Variants in NOBOX observed in about 807,000 individuals in gnomAD.
NOBOX encodes the protein NOBOX oogenesis homeobox, also known as homeobox protein NOBOX.
Under a neutral mutation model 60.2 loss-of-function variants are expected in NOBOX, and 46 were observed. The observed-to-expected ratio is 0.76, with a 90% CI of 0.60 to 0.98. NOBOX has a LOEUF of 0.98. NOBOX is among the 50% of genes least tolerant of loss of function. The pLI is 0.00. For synonymous variants in NOBOX, 360 were observed against 346.3 expected, an observed-to-expected ratio of 1.04 and a Z score of -0.44; for missense variants, 880 against 865.5, an observed-to-expected ratio of 1.02 and a Z score of -0.21.
intron 1 of NOBOX, among the ~76,000 whole-genome samples, chr7:144,406,024 C>T (rs4725649): frequency 0.44 from 66,137 of 151,988 alleles, 15,169 homozygotes; most frequent in East Asian, 0.82. Context: ...CAGTGAGAAG[C>T]GGGTGCAATT....
Position 144,404,551 on chromosome 7 carries a change from C to A in NOBOX, c.210+5G>T, listed in dbSNP as rs755267567. 5.6e-6 allele frequency: 9 copies of A among 1,611,986 alleles called. No individual in the cohort carries two copies. Among genetic ancestry groups the A allele is most frequent in the African/African-American group, 1.3e-5 (1 of 74,852 alleles). On this transcript the variant is annotated splice_donor_5th_base_variant and intron_variant, in intron 2 of 9. Transcript: ENST00000467773. ...GGCGTGAGCCACAGCGCTCGCCCCC[C>A]GTACTGATTTGAGGGTCTCCAGAGC...
chr7:144,399,611 T>C (rs1045105991), intron 6 of NOBOX, 129 bp from the exon 5 acceptor site: 3 of 1,124,832 alleles, frequency 2.7e-6, no homozygotes, highest in African/African-American at 1.6e-5. Context: ...CCCGATCCCA[T>C]GGCAGCCAAA....
At position 144,402,818 on chromosome 7, in the gene NOBOX, G is replaced by A. The variant is rs1275991343; in HGVS notation, c.211-868C>T. On this transcript the variant is annotated intron_variant, in intron 2 of 9. Transcript: ENST00000467773. ...GTCGCCCAGGCTGCAGTGACATGGT[G>A]CAATTCTGGCTCACTGCAACCTTGG... Among the ~76,000 whole-genome samples the A allele has an allele frequency of 2.3e-5, 3 of 130,470 alleles. No homozygotes were observed. In the Admixed American group the frequency reaches 2.8e-4, roughly 12 times the overall value. 85.6% of individuals were successfully genotyped at this position (130,470 alleles called of 152,430 possible).
At chr7:144,398,198 G>A (rs2053906911) in intron 9 of NOBOX, 84 bp downstream of exon 7, 1 of 1,255,270 alleles carries the variant, frequency 8.0e-7, no homozygotes, top group African/African-American at 1.5e-5. Context: ...ACCTGCCTCA[G>A]TCTACCCTCC....
chr7:144,409,483 A>G (rs577992530), intron 1 of NOBOX, among the ~76,000 whole-genome samples: 83 of 152,298 alleles, frequency 5.4e-4, no homozygotes, highest in Middle Eastern at 3.4e-3. Context: ...CATGATTGTA[A>G]TTACACTCCA....
intron 9 of NOBOX, among the ~76,000 whole-genome samples, 152 bp from the exon 8 acceptor site, chr7:144,397,693 G>A (rs1055165718): frequency 3.2e-4 from 48 of 152,192 alleles, no homozygotes; most frequent in Admixed American, 2.8e-3. Flanking sequence ...TAGCCTCAGG[G>A]TCTGTCCTTA....
At chr7:144,397,232 C>G, downstream of NOBOX, 5 of 1,521,068 alleles carry the variant, frequency 3.3e-6, no homozygotes, top group East Asian at 2.5e-5. Flanking sequence ...CACTCTTTGA[C>G]CCCCCAACTA....
In NOBOX at chr7:144,397,458, C is replaced by T; in HGVS notation, c.1858G>A (p.Gly620Arg). ...AGATCAGGAAAGTAGCCATCCCCTC[C>T]TGGGGGATGCCCCAGAGCTTGTGGG... The change falls in exon 10 of 10, where the codon GGA becomes AGA. Residue 620 changes from glycine to arginine, a missense_variant. Physicochemically the swap from Gly to Arg is moderately radical, Grantham distance 125 (BLOSUM62 -2). Transcript: ENST00000467773. The T allele has an allele frequency of 6.5e-7, 1 of 1,536,984 alleles. No individual in the cohort carries two copies. Among genetic ancestry groups the T allele is most frequent in the African/African-American group, 1.4e-5 (1 of 73,164 alleles).
Position 144,400,114 on chromosome 7 carries a change from G to T in NOBOX, c.1043C>A (p.Ala348Asp), listed in dbSNP as rs1370157582. ...AGGCCTCAATTCAGCTCCTACCCAG[G>T]CTACCGCTGAGCGCTCACTCTGCAA... The change falls in exon 5 of 10, where the codon GCC becomes GAC. Residue 348 changes from alanine to aspartate, a missense_variant. Transcript: ENST00000467773. 5 of 1,612,116 alleles carry T rather than the reference G, an allele frequency of 3.1e-6. No homozygotes were observed. In the East Asian group the frequency reaches 8.9e-5, roughly 29 times the overall value.
chr7:144,399,965 T>C, intron 5 of NOBOX, 102 bp from the exon 4 acceptor site: 1 of 1,276,094 alleles, frequency 7.8e-7, no homozygotes, highest in Non-Finnish European at 1.1e-6. Context: ...GGAAGGTCAC[T>C]CCAGCACTCT....
chr7:144,397,110 AG>A (rs891671711), downstream of NOBOX: 5 of 755,202 alleles, frequency 6.6e-6, no homozygotes, highest in Admixed American at 3.0e-5. Flanking sequence ...GAGCCTACAC[AG>A]GGGAAACGTC....
rs1004789990 is a variant in NOBOX, at chr7:144,397,551, C to T, written c.1775-10G>A. 32 of 1,508,910 alleles carry T rather than the reference C, an allele frequency of 2.1e-5. No homozygotes were observed. The highest frequency in any genetic ancestry group is 1.2e-4 in the Admixed American group (6 of 48,064). The allele number at this position is 1,508,910 out of a possible 1,614,324, so 93.5% of individuals were successfully genotyped here. Reference sequence around the variant, plus strand: ...CTCCAGGAGGCTGTACCTGTGGGGTCGGAGGGTGTAGGAATTACCAGACAG... The same window carrying T: ...CTCCAGGAGGCTGTACCTGTGGGGTTGGAGGGTGTAGGAATTACCAGACAG... On this transcript the variant is annotated splice_polypyrimidine_tract_variant and intron_variant, in intron 9 of 9. Coordinates refer to ENST00000467773, the MANE Select transcript of NOBOX (RefSeq NM_001080413.3).
At chr7:144,403,627 C>T in intron 2 of NOBOX, 30 bp downstream of exon 1, 1 of 698,508 alleles carries the variant, frequency 1.4e-6, no homozygotes, top group East Asian at 2.7e-5. Flanking sequence ...AAAGCCTGAC[C>T]CCCTCGCACG....
In NOBOX at chr7:144,404,567, T is replaced by C. The variant is rs778193142; in HGVS notation, c.199A>G (p.Thr67Ala). The change falls in exon 2 of 10, where the codon ACC becomes GCC. Residue 67 changes from threonine to alanine, a missense_variant. By Grantham distance (58) the Thr-to-Ala change is moderately conservative. Coordinates refer to ENST00000467773, the MANE Select transcript of NOBOX (RefSeq NM_001080413.3). ...CTCGCCCCCCGTACTGATTTGAGGG[T>C]CTCCAGAGCACAAAGGCTGCACCGG... The C allele has an allele frequency of 6.2e-7, 1 of 1,612,928 alleles. No homozygotes were observed. The highest frequency in any genetic ancestry group is 1.3e-5 in the African/African-American group (1 of 74,810).
At chr7:144,398,610 G>A in intron 8 of NOBOX, 24 bp from the exon 7 acceptor site, 1 of 1,519,400 alleles carries the variant, frequency 6.6e-7, no homozygotes, top group South Asian at 1.2e-5. Context: ...GGAACAGCTG[G>A]TGAGGTGCAG....
intron 9 of NOBOX, 63 bp from the exon 8 acceptor site, chr7:144,397,604 G>A (rs2053903016): frequency 7.3e-7 from 1 of 1,368,946 alleles, no homozygotes; most frequent in Non-Finnish European, 9.7e-7. Flanking sequence ...ATCATTAACA[G>A]TGTTCTACAA....
At position 144,399,986 on chromosome 7, in the gene NOBOX, C is replaced by T. The variant is rs1353870833; in HGVS notation, c.1048-123G>A. ...TCACTCCAGCACTCTGCTTCTGAGC[C>T]CTCCGTCAGGCTGGTTTTATCAAAA... On this transcript the variant is annotated intron_variant, in intron 5 of 9. Coordinates refer to ENST00000467773, the MANE Select transcript of NOBOX (RefSeq NM_001080413.3). 6.2e-6 allele frequency: 8 copies of T among 1,287,508 alleles called. No homozygotes were observed. In the Admixed American group the frequency reaches 1.2e-4, roughly 20 times the overall value. 79.8% of individuals were successfully genotyped at this position (1,287,508 alleles called of 1,614,324 possible).
chr7:144,398,739 C>T (rs1357679872), intron 8 of NOBOX, among the ~76,000 whole-genome samples, 153 bp from the exon 7 acceptor site: 1 of 152,038 alleles, frequency 6.6e-6, no homozygotes, highest in African/African-American at 2.4e-5. Context: ...CTCCCCACTC[C>T]CGCTCCTAGC....
In NOBOX at chr7:144,401,327, G is replaced by A; in HGVS notation, c.563C>T (p.Pro188Leu). ...CTTTCCTATCTTCACCTCTCCCACT[G>A]GGAGGGAACAATCTTCCCCCTGAGT... Residue 188 changes from proline (P) to leucine (L), a missense_variant, in exon 4 of 10, where the codon CCA becomes CTA. Pro to Leu is a moderately conservative substitution (Grantham distance 98, BLOSUM62 -3). Coordinates refer to ENST00000467773, the MANE Select transcript of NOBOX (RefSeq NM_001080413.3). This position sits in a 1 kb window ranked among gnomAD's most constrained non-coding sequence, Gnocchi z 4.2. The A allele has an allele frequency of 6.2e-7, 1 of 1,613,678 alleles. No individual in the cohort carries two copies. Among genetic ancestry groups the A allele is most frequent in the South Asian group, 1.1e-5 (1 of 90,984 alleles).
Sources: gnomAD v4.1 joint callset for allele counts (sites outside exome capture counted in the v4.1 genomes callset) on GRCh38, gnomAD v4.1.1 for gene constraint, Gnocchi (gnomAD v3.1) non-coding constraint, MANE v1.5 for transcripts, NCBI Gene and HGNC (gene_info 2026-07-23, HGNC 2026-07-21) for gene names.